PRKG1: variants seen among roughly 807,000 people sequenced by gnomAD.
PRKG1 encodes the protein protein kinase cGMP-dependent 1.
Under a neutral mutation model 88.1 loss-of-function variants are expected in PRKG1, and 35 were observed. The ratio of observed to expected loss-of-function variants is 0.40; its 90% confidence interval spans 0.30 to 0.53. PRKG1 has a LOEUF of 0.53. Among genes scored for constraint, PRKG1 ranks in the 20% least tolerant of loss-of-function variants. PRKG1 has a pLI of 0.59. For missense variants in PRKG1, 540 were observed against 839.8 expected (o/e 0.64, Z 4.41); for synonymous variants, 303 against 292.5 (o/e 1.04, Z -0.37).
intron 1 of PRKG1, among the ~76,000 whole-genome samples, chr10:51,035,209 A>G (rs371279685): frequency 6.6e-6 from 1 of 152,198 alleles, no homozygotes; most frequent in East Asian, 1.9e-4. Context: ...TCAGTTCCAC[A>G]TCTGCAAACA....
intron 2 of PRKG1, among the ~76,000 whole-genome samples, chr10:51,253,361 T>A (rs2132145096): frequency 6.6e-6 from 1 of 151,982 alleles, no homozygotes; most frequent in African/African-American, 2.4e-5. Flanking sequence ...GCTGATGAAG[T>A]TCAAATGTAG....
chr10:52,007,579 A>G, intron 5 of PRKG1, among the ~76,000 whole-genome samples: 1 of 118,950 alleles, frequency 8.4e-6, no homozygotes, highest in East Asian at 3.5e-4. Context: ...AGACCTAACT[A>G]TCTAAATATA....
chr10:51,825,701 G>A (rs1839865920), intron 4 of PRKG1, among the ~76,000 whole-genome samples: 1 of 152,148 alleles, frequency 6.6e-6, no homozygotes, highest in Admixed American at 6.6e-5. Context: ...TAATTTGGTA[G>A]ATGACAGAAA....
At chr10:51,499,737 G>A (rs984620209) in intron 3 of PRKG1, among the ~76,000 whole-genome samples, 3 of 152,122 alleles carry the variant, frequency 2.0e-5, no homozygotes, top group Non-Finnish European at 4.4e-5. Context: ...CCAGGAGTTC[G>A]AGATCAGCGT....
intron 5 of PRKG1, among the ~76,000 whole-genome samples, chr10:51,947,411 C>A (rs1162340750): frequency 2.6e-5 from 4 of 152,186 alleles, no homozygotes; most frequent in Non-Finnish European, 4.4e-5. Flanking sequence ...ACCCCTTGCA[C>A]TTCCCAAGTG....
chr10:52,004,238 G>A (rs2246585), intron 5 of PRKG1, among the ~76,000 whole-genome samples: 37,959 of 152,010 alleles, frequency 0.25, 5,148 homozygotes, highest in Admixed American at 0.31. Context: ...TTTTGTGTGT[G>A]TTTGTTTTTA....
intron 4 of PRKG1, among the ~76,000 whole-genome samples, chr10:51,905,376 T>C (rs1157755543): frequency 6.6e-6 from 1 of 152,140 alleles, no homozygotes; most frequent in East Asian, 1.9e-4. Flanking sequence ...AACAACAAAA[T>C]GTTCATGCTT....
chr10:51,785,901 C>G (rs1838715970), intron 3 of PRKG1, among the ~76,000 whole-genome samples: 1 of 152,108 alleles, frequency 6.6e-6, no homozygotes, highest in South Asian at 2.1e-4. Flanking sequence ...AAGATCATAA[C>G]TTGTATTGTC....
chr10:51,322,489 G>A (rs896897045), intron 2 of PRKG1, among the ~76,000 whole-genome samples: 3 of 152,096 alleles, frequency 2.0e-5, no homozygotes, highest in East Asian at 1.9e-4. Context: ...TGAGGCTCTC[G>A]TTTTAGTGCC....
intron 5 of PRKG1, among the ~76,000 whole-genome samples, chr10:52,038,284 A>C (rs1845668113): frequency 6.6e-6 from 1 of 151,424 alleles, no homozygotes; most frequent in South Asian, 2.1e-4. Context: ...GAGTAGAGAA[A>C]CTGAGGGAAG....
intron 7 of PRKG1, among the ~76,000 whole-genome samples, chr10:52,068,356 A>T (rs541002046): frequency 5.9e-5 from 9 of 152,248 alleles, no homozygotes; most frequent in African/African-American, 1.4e-4. Context: ...CCCAAAAGGG[A>T]TGGGATTAAG....
intron 3 of PRKG1, among the ~76,000 whole-genome samples, chr10:51,554,009 T>G (rs1837222832): frequency 7.1e-6 from 1 of 141,718 alleles, no homozygotes; most frequent in Non-Finnish European, 1.5e-5. Context: ...ACGTGCATAT[T>G]ATATGTGCGT....
Position 52,034,231 on chromosome 10 carries a change from GAAAAAT to G in PRKG1, c.763-20248_763-20243del, listed in dbSNP as rs1255684822. The stretch of plus-strand genomic sequence containing the variant: ...CATTCCTGCCTTCTTACATTAATAA[GAAAAAT>G]AAAACAAAATAGTGTTGAAGTGTTG... On this transcript the variant is annotated intron_variant, in intron 5 of 17. Coordinates refer to ENST00000373980, the MANE Select transcript of PRKG1 (RefSeq NM_006258.4). 5.3e-5 allele frequency among the ~76,000 whole-genome samples: 8 copies of G among 151,576 alleles called. No individual in the cohort carries two copies. In the East Asian group the frequency reaches 9.8e-4, roughly 19 times the overall value.
chr10:51,324,135 T>C (rs927521315), intron 2 of PRKG1, among the ~76,000 whole-genome samples: 1 of 152,184 alleles, frequency 6.6e-6, no homozygotes, highest in Admixed American at 6.5e-5. Context: ...TTTTGAAATA[T>C]ACAACAAATT....
chr10:50,994,059 T>C (rs138274414), intron 1 of PRKG1, among the ~76,000 whole-genome samples: 2 of 152,276 alleles, frequency 1.3e-5, no homozygotes, highest in Non-Finnish European at 2.9e-5. Context: ...ACACTGGGAG[T>C]GAGGGTAAAC....
rs551330406 is a variant in PRKG1 at position 51,265,004 on chromosome 10, T to A, written c.478+111674T>A. ...TAAGATAAGCTATAAAAACAGATAA[T>A]ATGGCTTGTGAATTTTTTTAAACAC... On this transcript the variant is annotated intron_variant, in intron 2 of 17. Transcript: ENST00000373980. 8.5e-5 allele frequency among the ~76,000 whole-genome samples: 13 copies of A among 152,148 alleles called. No individual in the cohort carries two copies. The South Asian group carries it at 2.7e-3, about 32-fold the overall frequency.
chr10:51,989,037 C>G (rs761503343), intron 5 of PRKG1, among the ~76,000 whole-genome samples: 1 of 151,962 alleles, frequency 6.6e-6, no homozygotes, highest in African/African-American at 2.4e-5. Context: ...TGAAATTATT[C>G]TCTGCCCTCT....
intron 3 of PRKG1, among the ~76,000 whole-genome samples, chr10:51,655,771 C>T (rs574070703): frequency 6.6e-6 from 1 of 152,230 alleles, no homozygotes; most frequent in East Asian, 1.9e-4. Context: ...TCTTTCAGAT[C>T]ATTCCCTGGA....
chr10:51,585,938 C>T (rs185454301), intron 3 of PRKG1, among the ~76,000 whole-genome samples: 40 of 152,012 alleles, frequency 2.6e-4, no homozygotes, highest in Middle Eastern at 6.8e-3. Context: ...TACACATGGC[C>T]GTAAAGATAA....
Sources: gnomAD v4.1 joint callset for allele counts (sites outside exome capture counted in the v4.1 genomes callset) on GRCh38, gnomAD v4.1.1 for gene constraint, MANE v1.5 for transcripts, NCBI Gene and HGNC (gene_info 2026-07-23, HGNC 2026-07-21) for gene names.